The following MACROD2 variants were observed in gnomAD, a reference collection of about 807,000 sequenced individuals.
MACROD2 encodes ADP-ribose glycohydrolase MACROD2.
A neutral mutation model predicts 70.4 loss-of-function variants in MACROD2; 36 were observed. That is an observed-to-expected ratio of 0.51 (90% CI 0.39 to 0.68). The LOEUF (loss-of-function observed/expected upper bound fraction) is 0.68. Ranked by LOEUF, MACROD2 falls within the 30% of genes least tolerant of loss-of-function variation. MACROD2 has a pLI of 0.00. For missense variants in MACROD2, 496 were observed against 538.4 expected (o/e 0.92, Z 0.78); for synonymous variants, 172 against 178.8 (o/e 0.96, Z 0.30).
chr20:14,381,220 A>G (rs1370833864), intron 3 of MACROD2, among the ~76,000 whole-genome samples: 2 of 152,190 alleles, frequency 1.3e-5, no homozygotes, highest in Non-Finnish European at 2.9e-5. Flanking sequence ...TTTACAGTAG[A>G]ACTATTCATA....
intron 4 of MACROD2, among the ~76,000 whole-genome samples, chr20:14,660,799 A>G (rs1433403112): frequency 6.6e-6 from 1 of 151,908 alleles, no homozygotes; most frequent in Non-Finnish European, 1.5e-5. Flanking sequence ...AGAACGTGCG[A>G]TTTTTGGTTT....
At chr20:15,072,230 C>T (rs1446001976) in intron 5 of MACROD2, among the ~76,000 whole-genome samples, 2 of 152,120 alleles carry the variant, frequency 1.3e-5, no homozygotes, top group African/African-American at 4.8e-5. Context: ...CAAATAGTTA[C>T]AGGCGTGACT....
intron 5 of MACROD2, among the ~76,000 whole-genome samples, chr20:15,192,797 A>G (rs768743063): frequency 6.6e-6 from 1 of 152,232 alleles, no homozygotes; most frequent in Non-Finnish European, 1.5e-5. Flanking sequence ...AGAGGGTTCT[A>G]GGAGAGAACT....
At chr20:15,805,434 G>A (rs1294362914) in intron 8 of MACROD2, among the ~76,000 whole-genome samples, 1 of 151,926 alleles carries the variant, frequency 6.6e-6, no homozygotes, top group Non-Finnish European at 1.5e-5. Context: ...GTAAAGAGAG[G>A]TTGGATTAGT....
At chr20:15,990,673 G>A (rs1421215528) in intron 15 of MACROD2, among the ~76,000 whole-genome samples, 3 of 152,140 alleles carry the variant, frequency 2.0e-5, no homozygotes, top group African/African-American at 4.8e-5. Flanking sequence ...TTAAGTGCAA[G>A]CCAGTGACAA....
At chr20:14,200,264 A>G (rs1272204980) in intron 3 of MACROD2, among the ~76,000 whole-genome samples, 1 of 152,168 alleles carries the variant, frequency 6.6e-6, no homozygotes, top group Non-Finnish European at 1.5e-5. Flanking sequence ...ATCCTTAGCA[A>G]ACTAACACAG....
chr20:14,514,260 G>A (rs1264394484), intron 4 of MACROD2, among the ~76,000 whole-genome samples: 1 of 152,108 alleles, frequency 6.6e-6, no homozygotes. Flanking sequence ...TCGCCAAGAA[G>A]CCCTTACTCA....
chr20:14,751,012 A>G (rs990539689), intron 5 of MACROD2, among the ~76,000 whole-genome samples: 1 of 152,142 alleles, frequency 6.6e-6, no homozygotes, highest in African/African-American at 2.4e-5. Flanking sequence ...TTAAAGAATA[A>G]TAAGATCTTA....
In MACROD2 at chr20:15,555,449, C is replaced by A. The variant is rs113785310; in HGVS notation, c.645+55602C>A. On this transcript the variant is annotated intron_variant, in intron 8 of 17. Transcript: ENST00000684519. ...AAGCCATACTTCTGGCATGATCTAG[C>A]ATTTTCCAGGAAAATAAAAGAGGCA... Among the ~76,000 whole-genome samples, 76 of 152,202 alleles carry A rather than the reference C, an allele frequency of 5.0e-4. 2 individuals carry two copies. The highest frequency in any genetic ancestry group is 1.7e-3 in the African/African-American group (71 of 41,496).
intron 2 of MACROD2, among the ~76,000 whole-genome samples, chr20:14,046,754 T>TATTA (rs1180423144): frequency 3.5e-5 from 5 of 141,124 alleles, no homozygotes; most frequent in Non-Finnish European, 7.9e-5. Context: ...TTTATTTATT[T>TATTA]ATTAAGCTGT....
chr20:15,339,841 G>T (rs905424200), intron 6 of MACROD2, among the ~76,000 whole-genome samples: 3 of 151,506 alleles, frequency 2.0e-5, no homozygotes, highest in African/African-American at 4.9e-5. Context: ...CTGATTTTAT[G>T]ATTCAAAACC....
At chr20:15,601,880 T>C (rs1231949409) in intron 8 of MACROD2, among the ~76,000 whole-genome samples, 1 of 151,900 alleles carries the variant, frequency 6.6e-6, no homozygotes, top group East Asian at 1.9e-4. Context: ...TACAAAAAAC[T>C]AGCCGGGTGT....
At chr20:14,921,847 T>C (rs570109469) in intron 5 of MACROD2, among the ~76,000 whole-genome samples, 3 of 152,346 alleles carry the variant, frequency 2.0e-5, no homozygotes, top group Admixed American at 6.5e-5. Context: ...TAGCATGTAA[T>C]GTGCACTACA....
chr20:14,941,302 G>A (rs2074387398), intron 5 of MACROD2, among the ~76,000 whole-genome samples: 1 of 151,934 alleles, frequency 6.6e-6, no homozygotes. Flanking sequence ...TCCTGGGGAG[G>A]GGTTGGTAGT....
At chr20:14,802,011 A>T (rs1050472081) in intron 5 of MACROD2, among the ~76,000 whole-genome samples, 1 of 152,040 alleles carries the variant, frequency 6.6e-6, no homozygotes, top group African/African-American at 2.4e-5. Context: ...AATTCTAGAA[A>T]CATCAGGAAC....
chr20:15,711,388 C>T (rs1461568935), intron 8 of MACROD2, among the ~76,000 whole-genome samples: 1 of 152,158 alleles, frequency 6.6e-6, no homozygotes, highest in South Asian at 2.1e-4. Flanking sequence ...GGCATTTGTC[C>T]GTGACTCACT....
At chr20:15,408,106 A>G (rs2046029294) in intron 6 of MACROD2, among the ~76,000 whole-genome samples, 1 of 152,228 alleles carries the variant, frequency 6.6e-6, no homozygotes, top group Non-Finnish European at 1.5e-5. Flanking sequence ...CAAGGCAGGA[A>G]TGTGCAGGCA....
intron 4 of MACROD2, among the ~76,000 whole-genome samples, chr20:14,651,803 C>T (rs1985693634): frequency 6.6e-6 from 1 of 152,156 alleles, no homozygotes; most frequent in African/African-American, 2.4e-5. Context: ...GTGGGGACTG[C>T]CGACCAGTGT....
At chr20:14,101,215 A>G (rs1336164063) in intron 3 of MACROD2, among the ~76,000 whole-genome samples, 1 of 151,970 alleles carries the variant, frequency 6.6e-6, no homozygotes, top group East Asian at 1.9e-4. Flanking sequence ...ATATTAAATT[A>G]GTTATCATAA....
Sources: gnomAD v4.1 joint callset for allele counts (sites outside exome capture counted in the v4.1 genomes callset) on GRCh38, gnomAD v4.1.1 for gene constraint, MANE v1.5 for transcripts, NCBI Gene and HGNC (gene_info 2026-07-23, HGNC 2026-07-21) for gene names.